The following FSD1L variants were observed in gnomAD, a reference collection of about 807,000 sequenced individuals.
The protein encoded by FSD1L is fibronectin type III and SPRY domain containing 1 like, also known as FSD1-like protein.
FSD1L carries 45 observed loss-of-function variants against 71.6 expected under a neutral mutation model. The observed-to-expected ratio is 0.63, with a 90% CI of 0.49 to 0.81. FSD1L has a LOEUF of 0.81. FSD1L is among the 30% of genes least tolerant of loss of function. The pLI, the probability that FSD1L is intolerant of heterozygous loss-of-function variation, is 0.00. For synonymous variants in FSD1L, 197 were observed against 207.2 expected (o/e 0.95, Z 0.42); for missense variants, 561 against 618.1 (o/e 0.91, Z 0.98).
intron 12 of FSD1L, among the ~76,000 whole-genome samples, chr9:105,535,988 TTTC>T (rs1564150336): frequency 6.6e-6 from 1 of 152,076 alleles, no homozygotes; most frequent in Non-Finnish European, 1.5e-5. Context: ...GCCAAAGGGG[TTTC>T]CCCTCAATAT....
intron 10 of FSD1L, among the ~76,000 whole-genome samples, chr9:105,530,197 T>C (rs1316979988): frequency 6.6e-6 from 1 of 152,094 alleles, no homozygotes; most frequent in Non-Finnish European, 1.5e-5. Context: ...AGTAAAGAAA[T>C]TATTTGGGAA....
chr9:105,524,489 T>C (rs923945885), intron 10 of FSD1L: 125 of 1,613,592 alleles, frequency 7.7e-5, no homozygotes, highest in Non-Finnish European at 9.7e-5. Flanking sequence ...AACCATTTCA[T>C]GCTACGGGAG....
chr9:105,523,398 G>A, intron 10 of FSD1L: 2 of 1,605,718 alleles, frequency 1.2e-6, no homozygotes, highest in Non-Finnish European at 1.7e-6. Context: ...TAGTGTGATG[G>A]CAGGAGGTAC....
chr9:105,458,601 G>A (rs188963720), intron 1 of FSD1L, among the ~76,000 whole-genome samples: 1 of 152,270 alleles, frequency 6.6e-6, no homozygotes, highest in East Asian at 1.9e-4. Flanking sequence ...CCATGGGCAG[G>A]AGGAAGTATG....
intron 5 of FSD1L, among the ~76,000 whole-genome samples, chr9:105,473,921 C>T (rs955562514): frequency 6.6e-6 from 1 of 152,120 alleles, no homozygotes; most frequent in Non-Finnish European, 1.5e-5. Flanking sequence ...TAAAATAAGT[C>T]ACATTGTGGT....
intron 13 of FSD1L, 37 bp downstream of exon 13, chr9:105,539,388 T>G: frequency 1.1e-6 from 1 of 915,576 alleles, no homozygotes; most frequent in Non-Finnish European, 1.6e-6. Context: ...ACCTAACATA[T>G]TTTACTTGGT....
chr9:105,527,681 A>G (rs1031313107), intron 10 of FSD1L, among the ~76,000 whole-genome samples: 1 of 151,544 alleles, frequency 6.6e-6, no homozygotes, highest in Non-Finnish European at 1.5e-5. Context: ...ATGGTATTTA[A>G]TAATACAATA....
At chr9:105,523,236 C>G in intron 10 of FSD1L, 1 of 1,610,096 alleles carries the variant, frequency 6.2e-7, no homozygotes, top group Non-Finnish European at 8.5e-7. Flanking sequence ...AGTCCACTCA[C>G]CTCTGTGCTC....
At chr9:105,482,844 A>T (rs1489825852) in intron 6 of FSD1L, among the ~76,000 whole-genome samples, 1 of 152,090 alleles carries the variant, frequency 6.6e-6, no homozygotes, top group Admixed American at 6.5e-5. Context: ...AATTCTCTAA[A>T]ATACTTTCGG....
At chr9:105,508,031 G>A (rs945792789) in intron 8 of FSD1L, among the ~76,000 whole-genome samples, 3 of 151,572 alleles carry the variant, frequency 2.0e-5, no homozygotes, top group Middle Eastern at 3.4e-3. Flanking sequence ...AGCCACGCCC[G>A]GCTAATTTTG....
At chr9:105,464,201 G>T (rs1830906028) in intron 2 of FSD1L, 35 bp from the exon 3 acceptor site, 2 of 1,072,110 alleles carry the variant, frequency 1.9e-6, no homozygotes, top group South Asian at 2.9e-5. Flanking sequence ...CTCTTCCATT[G>T]AAATATAGTA....
At chr9:105,514,322 G>A (rs878925335) in intron 10 of FSD1L, among the ~76,000 whole-genome samples, 1 of 152,120 alleles carries the variant, frequency 6.6e-6, no homozygotes, top group African/African-American at 2.4e-5. Context: ...ATGATTTAAG[G>A]TTATATTATT....
intron 7 of FSD1L, among the ~76,000 whole-genome samples, chr9:105,494,822 G>A (rs1340336832): frequency 9.9e-5 from 15 of 152,082 alleles, no homozygotes; most frequent in African/African-American, 3.4e-4. Context: ...GTGGATTTTC[G>A]TGAACCGCAA....
intron 10 of FSD1L, chr9:105,525,139 G>A: frequency 6.4e-7 from 1 of 1,556,846 alleles, no homozygotes; most frequent in Non-Finnish European, 8.7e-7. Context: ...CATCTTTCAT[G>A]CTTTCATTGT....
At chr9:105,509,547 C>A (rs960682632) in intron 9 of FSD1L, among the ~76,000 whole-genome samples, 1 of 152,102 alleles carries the variant, frequency 6.6e-6, no homozygotes, top group Non-Finnish European at 1.5e-5. Flanking sequence ...GCACTTGGGA[C>A]TTAAGGCATT....
chr9:105,457,246 T>G (rs1192335880), intron 1 of FSD1L, among the ~76,000 whole-genome samples: 1 of 152,184 alleles, frequency 6.6e-6, no homozygotes, highest in Non-Finnish European at 1.5e-5. Flanking sequence ...ATTAGATAAA[T>G]TCATAGCAGG....
intron 10 of FSD1L, chr9:105,522,253 A>C: frequency 6.2e-7 from 1 of 1,613,098 alleles, no homozygotes; most frequent in Non-Finnish European, 8.5e-7. Flanking sequence ...CTGACTATGG[A>C]GACATTAACT....
intron 13 of FSD1L, among the ~76,000 whole-genome samples, chr9:105,544,040 C>T (rs760256320): frequency 6.6e-6 from 1 of 152,174 alleles, no homozygotes; most frequent in African/African-American, 2.4e-5. Context: ...CCAGTTTACT[C>T]TCCCACCAAC....
intron 10 of FSD1L, among the ~76,000 whole-genome samples, chr9:105,513,381 C>A (rs924347740): frequency 6.6e-6 from 1 of 152,148 alleles, no homozygotes; most frequent in African/African-American, 2.4e-5. Flanking sequence ...CCTTTTGTTA[C>A]TGTCATAACT....
Sources: allele counts gnomAD v4.1 joint callset (sites outside exome capture counted in the v4.1 genomes callset), GRCh38; gene constraint gnomAD v4.1.1; transcripts MANE v1.5; gene names NCBI Gene and HGNC (gene_info 2026-07-23, HGNC 2026-07-21).